JPH2: variants seen among roughly 807,000 people sequenced by gnomAD.
The protein encoded by JPH2 is junctophilin-2.
In JPH2, 38 loss-of-function variants were observed where a neutral mutation model predicts 55.9. That is an observed-to-expected ratio of 0.68 (90% CI 0.52 to 0.89). The LOEUF is 0.89. Ranked by LOEUF, JPH2 falls within the 40% of genes least tolerant of loss-of-function variation. The pLI is 0.00. For missense variants in JPH2, 964 were observed against 1,037.6 expected (o/e 0.93, Z 0.97); for synonymous variants, 480 against 472.4 (o/e 1.02, Z -0.21).
intron 2 of JPH2, among the ~76,000 whole-genome samples, chr20:44,126,578 G>A (rs2072278873): frequency 6.6e-6 from 1 of 152,152 alleles, no homozygotes; most frequent in Admixed American, 6.5e-5. Flanking sequence ...GACCACAGCT[G>A]GGTGTCCAGT....
chr20:44,164,974 A>G (rs1005657237), intron 1 of JPH2, among the ~76,000 whole-genome samples: 13 of 151,840 alleles, frequency 8.6e-5, no homozygotes, highest in Admixed American at 7.9e-4. Flanking sequence ...AGTAGCTGGG[A>G]TTACAGGTGT....
chr20:44,120,607 G>A (rs2072228251), intron 2 of JPH2, among the ~76,000 whole-genome samples: 2 of 152,146 alleles, frequency 1.3e-5, no homozygotes, highest in Admixed American at 6.6e-5. Flanking sequence ...TGCAGGAACT[G>A]GGATTTTGAA....
At chr20:44,134,161 ATAAATATTTAT>A (rs1283483088) in intron 2 of JPH2, among the ~76,000 whole-genome samples, 410 of 14,944 alleles carry the variant, frequency 0.027, 111 homozygotes, top group Non-Finnish European at 0.031. Flanking sequence ...TTATAAATAT[ATAAATATTTAT>A]TATAAATATA....
At chr20:44,125,446 G>A (rs779737958) in intron 2 of JPH2, among the ~76,000 whole-genome samples, 1 of 152,196 alleles carries the variant, frequency 6.6e-6, no homozygotes, top group Non-Finnish European at 1.5e-5. Flanking sequence ...TGGCCTCAGA[G>A]AGCTGGAGGC....
At chr20:44,138,210 G>A (rs755012093) in intron 2 of JPH2, among the ~76,000 whole-genome samples, 5 of 151,980 alleles carry the variant, frequency 3.3e-5, no homozygotes, top group Non-Finnish European at 7.4e-5. Context: ...GTTTCACCAT[G>A]TTGGCCAGGC....
chr20:44,123,538 C>A (rs776272479), intron 2 of JPH2, among the ~76,000 whole-genome samples: 2 of 152,188 alleles, frequency 1.3e-5, no homozygotes, highest in Non-Finnish European at 2.9e-5. Flanking sequence ...GTATGGCCTT[C>A]GAGGCTCTCC....
Position 44,112,645 on chromosome 20 carries a change from A to G in JPH2, c.*873T>C, listed in dbSNP as rs893430358. ...GAGACAAGCCATTTCACAGGGCATCACAGGAGATTTCTCGCCGGCCCCAGG... is the reference window on the plus strand; with the variant it reads ...GAGACAAGCCATTTCACAGGGCATCGCAGGAGATTTCTCGCCGGCCCCAGG... On this transcript the variant is annotated 3_prime_UTR_variant, in exon 6 of 6. Coordinates refer to ENST00000372980, the MANE Select transcript of JPH2 (RefSeq NM_020433.5). 1.3e-5 allele frequency: 2 copies of G among 152,258 alleles called. No homozygotes were observed. Among genetic ancestry groups the G allele is most frequent in the African/African-American group, 4.8e-5 (2 of 41,424 alleles). 9.4% of individuals were successfully genotyped at this position (152,258 alleles called of 1,614,324 possible). A position where few individuals can be genotyped will look rare whatever the true frequency, so the allele number is the denominator to read the frequency against.
In JPH2 at chr20:44,160,992, C is replaced by G. The variant is rs1050497332; in HGVS notation, c.380-585G>C. On this transcript the variant is annotated intron_variant, in intron 1 of 5. Transcript: ENST00000372980. The surrounding 1 kb of genome is among the most constrained non-coding windows in gnomAD (Gnocchi z 4.9). Reference sequence around the variant, plus strand: ...TAGAGAGGCTGAGGTGGGAGGATCACCTGAGCCCGGGAGGTCGAGGCTGCA... The same window carrying G: ...TAGAGAGGCTGAGGTGGGAGGATCAGCTGAGCCCGGGAGGTCGAGGCTGCA... Among the ~76,000 whole-genome samples the G allele has an allele frequency of 6.6e-6, 1 of 152,136 alleles. No homozygotes were observed. The highest frequency in any genetic ancestry group is 2.4e-5 in the African/African-American group (1 of 41,408).
chr20:44,123,581 T>C (rs2072254284), intron 2 of JPH2, among the ~76,000 whole-genome samples: 1 of 152,220 alleles, frequency 6.6e-6, no homozygotes, highest in Admixed American at 6.5e-5. Context: ...GGATGGGGTA[T>C]ACCAGCAGCT....
intron 2 of JPH2, among the ~76,000 whole-genome samples, chr20:44,141,026 G>A (rs988954125): frequency 2.0e-5 from 3 of 152,152 alleles, no homozygotes; most frequent in Admixed American, 6.5e-5. Context: ...TGGAGAAGGA[G>A]GAGACATGAA....
intron 2 of JPH2, among the ~76,000 whole-genome samples, chr20:44,127,209 T>C (rs1329859331): frequency 2.0e-5 from 3 of 152,252 alleles, no homozygotes; most frequent in Admixed American, 6.5e-5. Flanking sequence ...TGTTCAATAG[T>C]TGATGGACAT....
At chr20:44,154,473 G>A (rs1252301666) in intron 2 of JPH2, among the ~76,000 whole-genome samples, 2 of 152,222 alleles carry the variant, frequency 1.3e-5, no homozygotes, top group African/African-American at 4.8e-5. Flanking sequence ...TGTATGGCAA[G>A]TGGCTACCAT....
chr20:44,160,004 C>T lies in JPH2; in HGVS notation c.783G>A (p.Ala261=), dbSNP rs201085317. 2 of 1,577,346 alleles carry T rather than the reference C, an allele frequency of 1.3e-6. No homozygotes were observed. Among genetic ancestry groups the T allele is most frequent in the East Asian group, 2.3e-5 (1 of 43,262 alleles). Residue 261 remains alanine, a synonymous_variant, in exon 2 of 6, where the codon GCG becomes GCA. Transcript: ENST00000372980. This position sits in a 1 kb window ranked among gnomAD's most constrained non-coding sequence, Gnocchi z 4.9. ...SDLSSGASDA[A]STASLGEAAE... ...CGGCCTCTCCCAGGCTGGCGGTGGA[C>T]GCGGCGTCGCTGGCGCCCGAGCTGA... is the stretch of plus-strand genomic sequence containing the variant.
chr20:44,150,062 TTTA>T (rs201876732), intron 2 of JPH2, among the ~76,000 whole-genome samples: 2,358 of 138,284 alleles, frequency 0.017, 71 homozygotes, highest in African/African-American at 0.066. Context: ...CACAGAACTA[TTTA>T]TTAAGTTTTC....
chr20:44,179,069 T>C (rs1319914031), intron 1 of JPH2, among the ~76,000 whole-genome samples: 1 of 152,174 alleles, frequency 6.6e-6, no homozygotes, highest in Non-Finnish European at 1.5e-5. Context: ...GACCCAATCG[T>C]CATAATTAAA....
At chr20:44,185,819 G>A (rs2072833699) in intron 1 of JPH2, among the ~76,000 whole-genome samples, 1 of 151,544 alleles carries the variant, frequency 6.6e-6, no homozygotes, top group Non-Finnish European at 1.5e-5. Flanking sequence ...GGGCAGGCAG[G>A]TGGGTGGATG....
At chr20:44,146,028 C>T (rs1243711894) in intron 2 of JPH2, among the ~76,000 whole-genome samples, 4 of 151,348 alleles carry the variant, frequency 2.6e-5, no homozygotes, top group Admixed American at 6.6e-5. Context: ...GCATGGTCAC[C>T]ATTGTTCTTT....
intron 1 of JPH2, among the ~76,000 whole-genome samples, chr20:44,169,580 A>G (rs1363605802): frequency 6.6e-6 from 1 of 152,174 alleles, no homozygotes; most frequent in Non-Finnish European, 1.5e-5. Context: ...TATGGGCCAG[A>G]CCAGGATTCT....
intron 2 of JPH2, among the ~76,000 whole-genome samples, chr20:44,154,613 G>A (rs1035703375): frequency 6.6e-6 from 1 of 152,126 alleles, no homozygotes; most frequent in East Asian, 1.9e-4. Flanking sequence ...AATTCCACAT[G>A]AGCCCGGAGG....
Sources: allele counts gnomAD v4.1 joint callset (sites outside exome capture counted in the v4.1 genomes callset), GRCh38; gene constraint gnomAD v4.1.1; non-coding constraint Gnocchi (gnomAD v3.1); transcripts MANE v1.5; gene names NCBI Gene and HGNC (gene_info 2026-07-23, HGNC 2026-07-21).